SUSD2: variants seen among roughly 807,000 people sequenced by gnomAD.
SUSD2 encodes the protein sushi domain-containing protein 2.
SUSD2 carries 86 observed loss-of-function variants against 93.8 expected under a neutral mutation model. The ratio of observed to expected loss-of-function variants is 0.92; its 90% confidence interval spans 0.77 to 1.10. The LOEUF is 1.10. SUSD2 is among the 50% of genes least tolerant of loss of function. The pLI, the probability that SUSD2 is intolerant of heterozygous loss-of-function variation, is 0.00. For synonymous variants in SUSD2, 483 were observed against 485.0 expected (o/e 1.00, Z 0.05); for missense variants, 1,060 against 1,137.0 (o/e 0.93, Z 0.97).
At position 24,185,861 on chromosome 22, in the gene SUSD2, C is replaced by G. The variant is rs1601341025; in HGVS notation, c.1271C>G (p.Pro424Arg). The G allele has an allele frequency of 6.3e-7, 1 of 1,596,952 alleles. No homozygotes were observed. The highest frequency in any genetic ancestry group is 8.5e-7 in the Non-Finnish European group (1 of 1,171,240). Residue 424 changes from proline (P) to arginine (R), a missense_variant, in exon 8 of 15, where the codon CCC (proline) becomes CGC (arginine). Physicochemically the swap from Pro to Arg is moderately radical, Grantham distance 103 (BLOSUM62 -2). Coordinates refer to ENST00000358321, the MANE Select transcript of SUSD2 (RefSeq NM_019601.4). Reference sequence around the variant, plus strand: ...TTCTATTACTGCTGCCTCTGGGCACCCGACTGCCCCCGCTACATGCAACGG... The same window carrying G: ...TTCTATTACTGCTGCCTCTGGGCACGCGACTGCCCCCGCTACATGCAACGG... ...LSFYYCCLWA[P>R]DCPRYMQRRP...
In SUSD2 at chr22:24,186,159, G is replaced by T; in HGVS notation, c.1483G>T (p.Gly495Cys). The T allele has an allele frequency of 6.2e-7, 1 of 1,608,746 alleles. No individual in the cohort carries two copies. The highest frequency in any genetic ancestry group is 8.5e-7 in the Non-Finnish European group (1 of 1,177,648). ...GGCCCAGCCCGGGACGATGTCCAAC[G>T]GTGAGGCCAGGGCTAGGGGCTGCTC... ...ARAQPGTMSN[G>C]TETRGTGLTA... The change falls in exon 9 of 15, where the codon GGC (glycine) becomes TGC (cysteine). Residue 495 changes from glycine to cysteine, a missense_variant and splice_region_variant. Transcript: ENST00000358321.
Position 24,188,114 on chromosome 22 carries a change from C to A in SUSD2, c.2320C>A (p.Pro774Thr). 4 of 1,612,840 alleles carry A rather than the reference C, an allele frequency of 2.5e-6. No individual in the cohort carries two copies. Among genetic ancestry groups the A allele is most frequent in the Non-Finnish European group, 3.4e-6 (4 of 1,179,786 alleles). Residue 774 changes from proline (P) to threonine (T), a missense_variant, in exon 13 of 15, where the codon CCC becomes ACC. This residue lies in a region of SUSD2 where 973 missense variants were observed against 1,005.3 expected (regional missense o/e 0.97). Transcript: ENST00000358321. This position sits in a 1 kb window ranked among gnomAD's most constrained non-coding sequence, Gnocchi z 4.7. ...TCQADGTWSS[P>T]TPKCQPGRSY... is the part of the protein sequence containing the mutation. Reference sequence around the variant, plus strand: ...CCAGGCTGACGGCACCTGGTCCTCACCCACCCCGAAGTGCCAGCCAGGTGA... The same window carrying A: ...CCAGGCTGACGGCACCTGGTCCTCAACCACCCCGAAGTGCCAGCCAGGTGA...
chr22:24,186,350 G>T lies in SUSD2; in HGVS notation c.1577G>T (p.Gly526Val), dbSNP rs1251382039. 4 of 1,613,954 alleles carry T rather than the reference G, an allele frequency of 2.5e-6. No homozygotes were observed. Among genetic ancestry groups the T allele is most frequent in the Middle Eastern group, 1.7e-4 (1 of 6,030 alleles). ...GTCAGGCTGGCCAACAGGACCGGAG[G>T]TCTGGAGGTGCTGCTGAACCAGGAG... ...VEVRLANRTG[G>V]LEVLLNQEVL... The change falls in exon 10 of 15, where the codon GGT becomes GTT. Residue 526 changes from glycine to valine, a missense_variant. Gly to Val is a moderately radical substitution (Grantham distance 109, BLOSUM62 -3). Coordinates refer to ENST00000358321, the MANE Select transcript of SUSD2 (RefSeq NM_019601.4).
At chr22:24,186,683 C>T (rs1601341985) in intron 10 of SUSD2, 13 of 527,982 alleles carry the variant, frequency 2.5e-5, no homozygotes, top group Admixed American at 2.3e-4. Flanking sequence ...TAACGTTCAC[C>T]GCTGGCCTGC....
chr22:24,186,342 G>A lies in SUSD2; in HGVS notation c.1569G>A (p.Arg523=). ...TGGTGGAAGTCAGGCTGGCCAACAG[G>A]ACCGGAGGTCTGGAGGTGCTGCTGA... ...SDVVEVRLAN[R]TGGLEVLLNQ... Residue 523 remains arginine (R), a synonymous_variant, in exon 10 of 15, where the codon AGG becomes AGA. Transcript: ENST00000358321. 1 of 1,613,976 alleles carries A rather than the reference G, an allele frequency of 6.2e-7. No individual in the cohort carries two copies. The highest frequency in any genetic ancestry group is 2.2e-5 in the East Asian group (1 of 44,882).
rs1366483624 is a variant in SUSD2, at chr22:24,188,560, C to T, written c.*124C>T. ...GGATACTTGATACCTGGGCATTTAACCCCCTACTCTGTCATCTCAGACCCC... is the reference window on the plus strand; with the variant it reads ...GGATACTTGATACCTGGGCATTTAATCCCCTACTCTGTCATCTCAGACCCC... On this transcript the variant is annotated 3_prime_UTR_variant, in exon 15 of 15. Coordinates refer to ENST00000358321, the MANE Select transcript of SUSD2 (RefSeq NM_019601.4). This position sits in a 1 kb window ranked among gnomAD's most constrained non-coding sequence, Gnocchi z 4.7. 5 of 914,058 alleles carry T rather than the reference C, an allele frequency of 5.5e-6. No individual in the cohort carries two copies. The highest frequency in any genetic ancestry group is 4.5e-5 in the South Asian group (3 of 66,312). The allele number at this position is 914,058 out of a possible 1,614,324, so 56.6% of individuals were successfully genotyped here. A position where few individuals can be genotyped will look rare whatever the true frequency, so the allele number is the denominator to read the frequency against.
rs754371513 is a variant in SUSD2 at position 24,185,118 on chromosome 22, C to T, written c.807C>T (p.Asn269=). ...GGGACGTGCAGGCGCTCTGGACCAA[C>T]GACCACGCACTGGCCTGGCACCTGA... ...GQKDVQALWT[N]DHALAWHLSD... The change falls in exon 6 of 15, where the codon AAC becomes AAT. Residue 269 remains asparagine, a synonymous_variant. Transcript: ENST00000358321. 26 of 1,612,770 alleles carry T rather than the reference C, an allele frequency of 1.6e-5. No homozygotes were observed. The highest frequency in any genetic ancestry group is 6.7e-5 in the Admixed American group (4 of 59,992).
At chr22:24,186,711 C>T in intron 10 of SUSD2, 1 of 470,976 alleles carries the variant, frequency 2.1e-6, no homozygotes, top group East Asian at 3.8e-5. Context: ...CACTCCTGTG[C>T]TCCTGTCACT....
At chr22:24,183,783 A>G in intron 3 of SUSD2, 137 bp downstream of exon 3, 1 of 1,011,548 alleles carries the variant, frequency 9.9e-7, no homozygotes, top group East Asian at 2.6e-5. Flanking sequence ...CCCGCCTGCG[A>G]GAGTTCCTTC....
intron 12 of SUSD2, 52 bp downstream of exon 12, chr22:24,187,895 G>A (rs541940771): frequency 1.2e-6 from 2 of 1,603,980 alleles, no homozygotes; most frequent in Admixed American, 1.7e-5. Context: ...GACCCCCCGG[G>A]GTGGCCAGAT....
intron 1 of SUSD2, among the ~76,000 whole-genome samples, chr22:24,181,908 A>G (rs2047328113): frequency 6.6e-6 from 1 of 152,180 alleles, no homozygotes. Flanking sequence ...GTGGGTCCTC[A>G]TCAGGGTGGG....
chr22:24,183,730 C>T (rs909869640), intron 3 of SUSD2, 84 bp downstream of exon 3: 35 of 1,434,066 alleles, frequency 2.4e-5, no homozygotes, highest in Admixed American at 1.7e-4. Flanking sequence ...TTGGCCTGTC[C>T]GTGCCCTGCC....
In SUSD2 at chr22:24,184,296, G is replaced by A; in HGVS notation, c.600G>A (p.Glu200=). 6.2e-7 allele frequency: 1 copy of A among 1,613,232 alleles called. No individual in the cohort carries two copies. The highest frequency in any genetic ancestry group is 8.5e-7 in the Non-Finnish European group (1 of 1,179,946). Residue 200 remains glutamate, a synonymous_variant, in exon 4 of 15, where the codon GAG becomes GAA. Transcript: ENST00000358321. ...QTITIELWGY[E]ETGMPYSQEW... ...TCACCATCGAACTGTGGGGCTACGA[G>A]GAGACAGGTGAGGCCAGCTGAGGGC...
At chr22:24,185,615 G>A (rs2047358206) in intron 7 of SUSD2, 44 bp downstream of exon 7, 9 of 1,606,436 alleles carry the variant, frequency 5.6e-6, no homozygotes, top group Non-Finnish European at 7.6e-6. Context: ...GGGGTCAGGG[G>A]TGGGCTCCCA....
At chr22:24,182,743 C>G (rs2047332500) in intron 1 of SUSD2, 1 of 311,290 alleles carries the variant, frequency 3.2e-6, no homozygotes, top group African/African-American at 2.1e-5. Flanking sequence ...GACTTGGTGG[C>G]TGAAGGGCAG....
chr22:24,187,533 A>G (rs1476298374), intron 11 of SUSD2, 38 bp from the exon 12 acceptor site: 1 of 1,601,344 alleles, frequency 6.2e-7, no homozygotes, highest in Non-Finnish European at 8.5e-7. Context: ...GACCAAAGGG[A>G]GCCATGCCCA....
chr22:24,182,802 T>C (rs892735742), intron 1 of SUSD2: 6 of 505,986 alleles, frequency 1.2e-5, no homozygotes, highest in African/African-American at 3.8e-5. Flanking sequence ...CGGATGCAGC[T>C]TTTTGCCTCT....
At position 24,183,538 on chromosome 22, in the gene SUSD2, G is replaced by A. The variant is rs376758973; in HGVS notation, c.331G>A (p.Gly111Arg). The change falls in exon 3 of 15, where the codon GGG becomes AGG. Residue 111 changes from glycine (G) to arginine (R), a missense_variant. Gly to Arg is a moderately radical substitution (Grantham distance 125). Around this residue, in one of 2 missense-constraint regions of SUSD2, gnomAD observed 973 missense variants for 1,005.3 expected, o/e 0.97. Coordinates refer to ENST00000358321, the MANE Select transcript of SUSD2 (RefSeq NM_019601.4). ...GACCCTCGGCCATGTGGACTCCTCC[G>A]GGCAAGTGCACTGTGTGTCACCTCT... Reference protein sequence around the residue: ...IQTLGHVDSSGQVHCVSPLLY... With the variant: ...IQTLGHVDSSRQVHCVSPLLY... 87 of 1,613,118 alleles carry A rather than the reference G, an allele frequency of 5.4e-5. 1 individual carries two copies. Among genetic ancestry groups the A allele is most frequent in the Non-Finnish European group, 6.6e-5 (78 of 1,179,990 alleles).
chr22:24,187,634 T>C lies in SUSD2; in HGVS notation c.1955T>C (p.Leu652Pro), dbSNP rs1408501862. The C allele has an allele frequency of 3.1e-6, 5 of 1,613,998 alleles. No homozygotes were observed. The highest frequency in any genetic ancestry group is 4.2e-6 in the Non-Finnish European group (5 of 1,180,018). The change falls in exon 12 of 15, where the codon CTG becomes CCG. Residue 652 changes from leucine to proline, a missense_variant. Transcript: ENST00000358321. ...YDSWFLVHNF[L>P]YQPKHDPTFE... Reference sequence around the variant, plus strand: ...TCCTGGTTCCTGGTCCACAACTTCCTGTACCAACCCAAGCACGACCCCACC... The same window carrying C: ...TCCTGGTTCCTGGTCCACAACTTCCCGTACCAACCCAAGCACGACCCCACC...
Sources: allele counts gnomAD v4.1 joint callset (sites outside exome capture counted in the v4.1 genomes callset), GRCh38; gene constraint gnomAD v4.1.1; regional missense constraint gnomAD v4.1.1; non-coding constraint Gnocchi (gnomAD v3.1); transcripts MANE v1.5; gene names NCBI Gene and HGNC (gene_info 2026-07-23, HGNC 2026-07-21).